The following CCNA2 variants were observed in gnomAD, a reference collection of about 807,000 sequenced individuals.
CCNA2 encodes cyclin-A2.
In CCNA2, 3 loss-of-function variants were observed where a neutral mutation model predicts 49.4. The ratio of observed to expected loss-of-function variants is 0.06; its 90% CI spans 0.03 to 0.16. The LOEUF is 0.16. Among genes scored for constraint, CCNA2 ranks in the 10% least tolerant of loss-of-function variants. The pLI, the probability that CCNA2 is intolerant of heterozygous loss-of-function variation, is 1.00. For synonymous variants in CCNA2, 206 were observed against 197.2 expected (o/e 1.04, Z -0.37); for missense variants, 372 against 519.7 (o/e 0.72, Z 2.76).
rs764937000 is a variant in CCNA2, at chr4:121,816,470, C to T, written c.*1168G>A. ...AAGGTAACAAATTTCTGGTTTATTT[C>T]AAATGTATACATATACTCAACACTT... On this transcript the variant is annotated 3_prime_UTR_variant, in exon 8 of 8. Coordinates refer to ENST00000274026, the MANE Select transcript of CCNA2 (RefSeq NM_001237.5). 1 of 1,391,606 alleles carries T rather than the reference C, an allele frequency of 7.2e-7. No individual in the cohort carries two copies. Among genetic ancestry groups the T allele is most frequent in the Non-Finnish European group, 1.0e-6 (1 of 1,004,508 alleles). The allele number at this position is 1,391,606 out of a possible 1,614,324, so 86.2% of individuals were successfully genotyped here.
At position 121,816,601 on chromosome 4, in the gene CCNA2, T is replaced by C. The variant is rs1724523949; in HGVS notation, c.*1037A>G. ...CATCTGTTCTGTGATTTTTTTACCTTGTGATTTATAAAAATTAGGACCTAA... is the reference window on the plus strand; with the variant it reads ...CATCTGTTCTGTGATTTTTTTACCTCGTGATTTATAAAAATTAGGACCTAA... On this transcript the variant is annotated 3_prime_UTR_variant, in exon 8 of 8. Transcript: ENST00000274026. 3.6e-6 allele frequency: 3 copies of C among 826,468 alleles called. No individual in the cohort carries two copies. The highest frequency in any genetic ancestry group is 5.5e-6 in the Non-Finnish European group (3 of 548,490). 51.2% of individuals were successfully genotyped at this position (826,468 alleles called of 1,614,324 possible).
Position 121,817,456 on chromosome 4 carries a change from C to T in CCNA2, c.*182G>A. ...CTTAAAATTAGCCAAATATCTAAGA[C>T]AGATACATATACAAAAGATATACAA... On this transcript the variant is annotated 3_prime_UTR_variant, in exon 8 of 8. Coordinates refer to ENST00000274026, the MANE Select transcript of CCNA2 (RefSeq NM_001237.5). 1.6e-6 allele frequency: 1 copy of T among 614,218 alleles called. No homozygotes were observed. Among genetic ancestry groups the T allele is most frequent in the South Asian group, 2.8e-5 (1 of 36,152 alleles). The allele number at this position is 614,218 out of a possible 1,614,324, so 38.0% of individuals were successfully genotyped here.
At chr4:121,818,303 T>C in intron 6 of CCNA2, 126 bp from the exon 7 acceptor site, 1 of 821,938 alleles carries the variant, frequency 1.2e-6, no homozygotes, top group Non-Finnish European at 1.9e-6. Flanking sequence ...ACTACTAGTT[T>C]TCTCAGGCCA....
In CCNA2 at chr4:121,822,551, C is replaced by T; in HGVS notation, c.309G>A (p.Val103=). 1 of 1,614,090 alleles carries T rather than the reference C, an allele frequency of 6.2e-7. No homozygotes were observed. The highest frequency in any genetic ancestry group is 1.3e-5 in the African/African-American group (1 of 75,018). Residue 103 remains valine, a synonymous_variant, in exon 2 of 8, where the codon GTG becomes GTA. Coordinates refer to ENST00000274026, the MANE Select transcript of CCNA2 (RefSeq NM_001237.5). ...TCTGAGCTTCTTTTTCTGCTTCATC[C>T]ACATGAATGGTGAACGCAGGCTGTT... ...NSKQPAFTIH[V]DEAEKEAQKK...
Position 121,821,049 on chromosome 4 carries a change from T to A in CCNA2, c.500A>T (p.Glu167Val). The change falls in exon 3 of 8, where the codon GAA becomes GTA. Residue 167 changes from glutamate to valine, a missense_variant. Glu to Val is a moderately radical substitution (Grantham distance 121, BLOSUM62 -2). This residue lies in a region of CCNA2 where 217 missense variants were observed against 231.7 expected (regional missense o/e 0.94). Transcript: ENST00000274026. ...TACTTCATTAACACTCACTGGCTTTTCATCTTCTAATATAATTGACATGTC... is the reference window on the plus strand; with the variant it reads ...TACTTCATTAACACTCACTGGCTTTACATCTTCTAATATAATTGACATGTC... ...TMDMSIILED[E>V]KPVSVNEVPD... The A allele has an allele frequency of 6.2e-7, 1 of 1,613,308 alleles. No homozygotes were observed. Among genetic ancestry groups the A allele is most frequent in the South Asian group, 1.1e-5 (1 of 91,072 alleles).
intron 6 of CCNA2, 32 bp downstream of exon 6, chr4:121,818,768 C>G (rs1366974811): frequency 7.9e-7 from 1 of 1,273,426 alleles, no homozygotes; most frequent in Non-Finnish European, 1.1e-6. Context: ...ATTTCAGTCA[C>G]AAGATAGGTG....
At position 121,816,639 on chromosome 4, in the gene CCNA2, A is replaced by G; in HGVS notation, c.*999T>C. 1 of 952,066 alleles carries G rather than the reference A, an allele frequency of 1.1e-6. No individual in the cohort carries two copies. Among genetic ancestry groups the G allele is most frequent in the South Asian group, 2.1e-5 (1 of 48,090 alleles). The allele number at this position is 952,066 out of a possible 1,614,324, so 59.0% of individuals were successfully genotyped here. ...AATTAGGACCTAAATCTATAATATAAACTTCTTGGATGCCAGTCTTACTCA... is the reference window on the plus strand; with the variant it reads ...AATTAGGACCTAAATCTATAATATAGACTTCTTGGATGCCAGTCTTACTCA... On this transcript the variant is annotated 3_prime_UTR_variant, in exon 8 of 8. Coordinates refer to ENST00000274026, the MANE Select transcript of CCNA2 (RefSeq NM_001237.5).
chr4:121,818,854 A>G lies in CCNA2; in HGVS notation c.1062T>C (p.Val354=), dbSNP rs1383618596. The change falls in exon 6 of 8, where the codon GTT becomes GTC. Residue 354 remains valine, a synonymous_variant. Coordinates refer to ENST00000274026, the MANE Select transcript of CCNA2 (RefSeq NM_001237.5). ...ADPYLKYLPS[V]IAGAAFHLAL... ...CTAAATGAAAGGCAGCTCCAGCAAT[A>G]ACTGATGGCAAATACTTGAGGTATG... The G allele has an allele frequency of 6.2e-7, 1 of 1,614,030 alleles. No individual in the cohort carries two copies. The highest frequency in any genetic ancestry group is 8.5e-7 in the Non-Finnish European group (1 of 1,179,874).
intron 4 of CCNA2, among the ~76,000 whole-genome samples, chr4:121,819,943 T>C (rs79254801): frequency 0.055 from 7,923 of 143,814 alleles, 640 homozygotes; most frequent in African/African-American, 0.19. Flanking sequence ...TTCTTTCTTT[T>C]TTTTTTTTTT....
chr4:121,821,231 A>AT, intron 2 of CCNA2, 140 bp from the exon 3 acceptor site: 9 of 1,075,492 alleles, frequency 8.4e-6, no homozygotes, highest in Non-Finnish European at 1.1e-5. Flanking sequence ...ATGACAAAAT[A>AT]TGTAGAATAT....
At position 121,816,508 on chromosome 4, in the gene CCNA2, T is replaced by G; in HGVS notation, c.*1130A>C. ...ATACTCAACACTTATAGAGGTTTGC[T>G]CTCTGGTTTTACTCTCATCTTGCCA... On this transcript the variant is annotated 3_prime_UTR_variant, in exon 8 of 8. Coordinates refer to ENST00000274026, the MANE Select transcript of CCNA2 (RefSeq NM_001237.5). 1 of 1,129,788 alleles carries G rather than the reference T, an allele frequency of 8.9e-7. No homozygotes were observed. Among genetic ancestry groups the G allele is most frequent in the Non-Finnish European group, 1.3e-6 (1 of 783,200 alleles). 70.0% of individuals were successfully genotyped at this position (1,129,788 alleles called of 1,614,324 possible).
chr4:121,817,440 A>G lies in CCNA2; in HGVS notation c.*198T>C. On this transcript the variant is annotated 3_prime_UTR_variant, in exon 8 of 8. Transcript: ENST00000274026. ...TACTTTAACAAAACCACTTAAAATTAGCCAAATATCTAAGACAGATACATA... is the reference window on the plus strand; with the variant it reads ...TACTTTAACAAAACCACTTAAAATTGGCCAAATATCTAAGACAGATACATA... 1 of 518,246 alleles carries G rather than the reference A, an allele frequency of 1.9e-6. No individual in the cohort carries two copies. Among genetic ancestry groups the G allele is most frequent in the South Asian group, 4.0e-5 (1 of 25,296 alleles). 32.1% of individuals were successfully genotyped at this position (518,246 alleles called of 1,614,324 possible). A position where few individuals can be genotyped will look rare whatever the true frequency, so the allele number is the denominator to read the frequency against.
At chr4:121,823,375 T>C (rs2149043643) in intron 1 of CCNA2, 41 bp downstream of exon 1, 1 of 1,569,338 alleles carries the variant, frequency 6.4e-7, no homozygotes, top group Non-Finnish European at 8.7e-7. Flanking sequence ...TGCCAAACCC[T>C]GCTCGACCCA....
At position 121,823,856 on chromosome 4, in the gene CCNA2, C is replaced by T. The variant is rs1724769941; in HGVS notation, c.-228G>A. 17 of 714,038 alleles carry T rather than the reference C, an allele frequency of 2.4e-5. 1 individual carries two copies. In the South Asian group the frequency reaches 3.6e-4, roughly 15 times the overall value. The allele number at this position is 714,038 out of a possible 1,614,324, so 44.2% of individuals were successfully genotyped here. A position where few individuals can be genotyped will look rare whatever the true frequency, so the allele number is the denominator to read the frequency against. On this transcript the variant is annotated 5_prime_UTR_variant, in exon 1 of 8. Coordinates refer to ENST00000274026, the MANE Select transcript of CCNA2 (RefSeq NM_001237.5). ...ACTGCCCAGCGTGGCGAGCCAAAGACGCCCAGAGATGCAGCGAGCAGCCCG... is the reference window on the plus strand; with the variant it reads ...ACTGCCCAGCGTGGCGAGCCAAAGATGCCCAGAGATGCAGCGAGCAGCCCG...
chr4:121,820,665 T>A lies in CCNA2; in HGVS notation c.671A>T (p.Glu224Val). 6.2e-7 allele frequency: 1 copy of A among 1,613,888 alleles called. No individual in the cohort carries two copies. The highest frequency in any genetic ancestry group is 8.5e-7 in the Non-Finnish European group (1 of 1,179,744). ...LVDWLVEVGEEYKLQNETLHL... is the reference protein window; with the variant it reads ...LVDWLVEVGEVYKLQNETLHL... ...CAGGGTCTCATTCTGTAGTTTATAT[T>A]CTTCTCCTACTTCAACTAACCAGTC... The change falls in exon 4 of 8, where the codon GAA becomes GTA. Residue 224 changes from glutamate to valine, a missense_variant. Glu to Val is a moderately radical substitution (Grantham distance 121). Transcript: ENST00000274026. This position sits in a 1 kb window ranked among gnomAD's most constrained non-coding sequence, Gnocchi z 4.1.
Position 121,819,587 on chromosome 4 carries a change from G to GA in CCNA2, c.795-9dup. 3.1e-6 allele frequency: 5 copies of GA among 1,600,704 alleles called. No homozygotes were observed. Among genetic ancestry groups the GA allele is most frequent in the Non-Finnish European group, 4.3e-6 (5 of 1,170,834 alleles). On this transcript the variant is annotated splice_polypyrimidine_tract_variant and intron_variant, in intron 4 of 7. Coordinates refer to ENST00000274026, the MANE Select transcript of CCNA2 (RefSeq NM_001237.5). ...TATATTTCTTCAAACTTTCTACAAT[G>GA]AAAAAAGTTTTAAGTAATCAGTCCT...
intron 7 of CCNA2, 115 bp from the exon 8 acceptor site, chr4:121,817,801 C>G: frequency 7.1e-7 from 1 of 1,410,608 alleles, no homozygotes; most frequent in Non-Finnish European, 9.8e-7. Context: ...TCTGTCTGAC[C>G]GACTTGATGG....
rs1445613152 is a variant in CCNA2, at chr4:121,817,649, G to A, written c.1288C>T (p.Leu430=). ...GVSLLNPPET[L]NL ...GCAGTCTTTCATTGTTACAGATTTA[G>A]TGTCTCTGGTGGGTTGAGGAGAGAA... The change falls in exon 8 of 8, where the codon CTA becomes TTA. Residue 430 remains leucine, a synonymous_variant. Coordinates refer to ENST00000274026, the MANE Select transcript of CCNA2 (RefSeq NM_001237.5). 1 of 1,613,888 alleles carries A rather than the reference G, an allele frequency of 6.2e-7. No individual in the cohort carries two copies. Among genetic ancestry groups the A allele is most frequent in the Admixed American group, 1.7e-5 (1 of 60,010 alleles).
intron 1 of CCNA2, 35 bp downstream of exon 1, chr4:121,823,381 A>G: frequency 6.3e-6 from 10 of 1,580,330 alleles, no homozygotes; most frequent in Non-Finnish European, 8.6e-6. Context: ...ACCCTGCTCG[A>G]CCCACCCTCC....
Sources: allele counts gnomAD v4.1 joint callset (sites outside exome capture counted in the v4.1 genomes callset), GRCh38; gene constraint gnomAD v4.1.1; regional missense constraint gnomAD v4.1.1; non-coding constraint Gnocchi (gnomAD v3.1); transcripts MANE v1.5; gene names NCBI Gene and HGNC (gene_info 2026-07-23, HGNC 2026-07-21).